The following SLC1A1 variants were observed in gnomAD, a reference collection of about 807,000 sequenced individuals.
The protein encoded by SLC1A1 is excitatory amino acid transporter 3.
In SLC1A1, 43 loss-of-function variants were observed where a neutral mutation model predicts 53.3. That is an observed-to-expected ratio of 0.81 (90% CI 0.63 to 1.04). SLC1A1 has a LOEUF of 1.04. Ranked by LOEUF, SLC1A1 falls within the 50% of genes least tolerant of loss-of-function variation. The pLI, the probability that SLC1A1 is intolerant of heterozygous loss-of-function variation, is 0.00. For missense variants in SLC1A1, 748 were observed against 664.9 expected (o/e 1.12, Z -1.37); for synonymous variants, 307 against 243.2 (o/e 1.26, Z -2.44).
intron 1 of SLC1A1, among the ~76,000 whole-genome samples, chr9:4,498,212 A>C (rs1820507080): frequency 1.3e-5 from 2 of 152,318 alleles, no homozygotes; most frequent in Admixed American, 1.3e-4. Flanking sequence ...AGATGATAAA[A>C]TGACCTAGAC....
intron 10 of SLC1A1, among the ~76,000 whole-genome samples, chr9:4,577,634 C>A (rs1820680651): frequency 1.3e-5 from 2 of 152,262 alleles, no homozygotes; most frequent in Non-Finnish European, 2.9e-5. Flanking sequence ...CACCACCACA[C>A]CTGGCTAATT....
Position 4,556,645 on chromosome 9 carries a change from G to A in SLC1A1, c.233-4804G>A, listed in dbSNP as rs970798988. ...TGGGACTAAGTTGGGCCTGATCTTC[G>A]ACGTCAACGCCAGTTAAGAGTCTAA... On this transcript the variant is annotated intron_variant, in intron 2 of 11. Transcript: ENST00000262352. The surrounding 1 kb of genome is among the most constrained non-coding windows in gnomAD (Gnocchi z 4.1). 2.6e-5 allele frequency among the ~76,000 whole-genome samples: 4 copies of A among 152,242 alleles called. No homozygotes were observed. Among genetic ancestry groups the A allele is most frequent in the South Asian group, 2.1e-4 (1 of 4,818 alleles).
At chr9:4,567,122 A>G (rs906359220) in intron 5 of SLC1A1, among the ~76,000 whole-genome samples, 17 of 152,236 alleles carry the variant, frequency 1.1e-4, no homozygotes, top group African/African-American at 4.1e-4. Flanking sequence ...GAAGCTCCAC[A>G]GAACCAAACA....
Position 4,561,547 on chromosome 9 carries a change from A to G in SLC1A1, c.325+6A>G, listed in dbSNP as rs755243758. 7.4e-6 allele frequency: 11 copies of G among 1,492,950 alleles called. No homozygotes were observed. The highest frequency in any genetic ancestry group is 1.0e-5 in the Non-Finnish European group (11 of 1,069,612). The allele number at this position is 1,492,950 out of a possible 1,614,324, so 92.5% of individuals were successfully genotyped here. On this transcript the variant is annotated splice_donor_region_variant and intron_variant, in intron 3 of 11. Transcript: ENST00000262352. ...TCTCATTGCTGTTATTCTAGGTAAT[A>G]CTTATTTCTGAATCCTTACTACTTT...
At chr9:4,494,037 A>T (rs968707647) in intron 1 of SLC1A1, among the ~76,000 whole-genome samples, 8 of 152,232 alleles carry the variant, frequency 5.3e-5, no homozygotes, top group Non-Finnish European at 1.0e-4. Flanking sequence ...AATTTCTGCG[A>T]CACCCTACAT....
At chr9:4,524,939 A>G (rs931765315) in intron 1 of SLC1A1, among the ~76,000 whole-genome samples, 2 of 152,140 alleles carry the variant, frequency 1.3e-5, no homozygotes, top group African/African-American at 4.8e-5. Flanking sequence ...CATGACCCCA[A>G]GGGCTCCCAC....
At chr9:4,491,576 A>T (rs1820237884) in intron 1 of SLC1A1, among the ~76,000 whole-genome samples, 1 of 152,214 alleles carries the variant, frequency 6.6e-6, no homozygotes, top group Admixed American at 6.5e-5. Flanking sequence ...GACCAGGTGG[A>T]TGTCTGAGCC....
intron 11 of SLC1A1, among the ~76,000 whole-genome samples, chr9:4,585,106 G>C (rs1283909334): frequency 1.3e-5 from 2 of 152,196 alleles, no homozygotes; most frequent in Admixed American, 6.5e-5. Context: ...AGACTTAGGG[G>C]AGTCATTGCT....
intron 1 of SLC1A1, among the ~76,000 whole-genome samples, chr9:4,534,303 T>C (rs1484074695): frequency 6.6e-6 from 1 of 152,060 alleles, no homozygotes; most frequent in Non-Finnish European, 1.5e-5. Context: ...ACAAAATTGA[T>C]AGACTGCTAG....
chr9:4,582,761 T>C (rs1391702178), intron 10 of SLC1A1, among the ~76,000 whole-genome samples: 2 of 152,176 alleles, frequency 1.3e-5, no homozygotes, highest in Non-Finnish European at 1.5e-5. Context: ...ACTTATTTTT[T>C]GGTGCCACTT....
At chr9:4,521,640 T>G (rs896098817) in intron 1 of SLC1A1, among the ~76,000 whole-genome samples, 1 of 152,224 alleles carries the variant, frequency 6.6e-6, no homozygotes. Context: ...GTTTGCTGTT[T>G]GAGACGGTAT....
At position 4,583,823 on chromosome 9, in the gene SLC1A1, T is replaced by C. The variant is rs887840947; in HGVS notation, c.1328+651T>C. On this transcript the variant is annotated intron_variant, in intron 11 of 11. Transcript: ENST00000262352. This position sits in a 1 kb window ranked among gnomAD's most constrained non-coding sequence, Gnocchi z 4.6. ...GTTTTATTGTTATGATTAGAATGAG[T>C]TGGACCATTCAGGCCCCAATCAACA... is the stretch of plus-strand genomic sequence containing the variant. Among the ~76,000 whole-genome samples, 8 of 150,294 alleles carry C rather than the reference T, an allele frequency of 5.3e-5. No individual in the cohort carries two copies. In the Admixed American group the frequency reaches 5.4e-4, roughly 10 times the overall value.
chr9:4,514,987 G>T (rs955364763), intron 1 of SLC1A1, among the ~76,000 whole-genome samples: 4 of 151,838 alleles, frequency 2.6e-5, no homozygotes, highest in Admixed American at 1.3e-4. Flanking sequence ...AAGCAGCCGG[G>T]GCTCCTGTAT....
intron 1 of SLC1A1, among the ~76,000 whole-genome samples, chr9:4,536,543 A>G (rs1199286491): frequency 1.3e-5 from 2 of 152,192 alleles, no homozygotes; most frequent in Non-Finnish European, 2.9e-5. Context: ...TCAGGAAACA[A>G]CAGGTGCTGG....
Position 4,583,245 on chromosome 9 carries a change from T to C in SLC1A1, c.1328+73T>C. 3 of 1,587,680 alleles carry C rather than the reference T, an allele frequency of 1.9e-6. No individual in the cohort carries two copies. The highest frequency in any genetic ancestry group is 1.7e-6 in the Non-Finnish European group (2 of 1,156,956). On this transcript the variant is annotated intron_variant, in intron 11 of 11. Coordinates refer to ENST00000262352, the MANE Select transcript of SLC1A1 (RefSeq NM_004170.6). This position sits in a 1 kb window ranked among gnomAD's most constrained non-coding sequence, Gnocchi z 4.6. ...TCCCAGCCTCGCAGGCGCTGCAGTC[T>C]GTCATCATTCTCTCCTCAGATTGCC...
intron 5 of SLC1A1, among the ~76,000 whole-genome samples, chr9:4,566,797 C>G (rs1819530016): frequency 6.6e-6 from 1 of 152,096 alleles, no homozygotes; most frequent in African/African-American, 2.4e-5. Context: ...ATTGAACAAT[C>G]TCTTCACTCC....
chr9:4,507,040 G>A (rs1444164130), intron 1 of SLC1A1, among the ~76,000 whole-genome samples: 1 of 152,094 alleles, frequency 6.6e-6, no homozygotes. Flanking sequence ...GACCATCCTG[G>A]ATAACATGGT....
intron 1 of SLC1A1, among the ~76,000 whole-genome samples, chr9:4,497,267 C>T (rs1192298198): frequency 6.6e-6 from 1 of 152,124 alleles, no homozygotes; most frequent in African/African-American, 2.4e-5. Context: ...AATTAAGAAA[C>T]TTGCCCAAGG....
chr9:4,532,219 G>A (rs1451353074), intron 1 of SLC1A1, among the ~76,000 whole-genome samples: 2 of 152,154 alleles, frequency 1.3e-5, no homozygotes, highest in South Asian at 2.1e-4. Flanking sequence ...TGAGAATGAC[G>A]TTGACGAGTT....
Sources: allele counts gnomAD v4.1 joint callset (sites outside exome capture counted in the v4.1 genomes callset), GRCh38; gene constraint gnomAD v4.1.1; non-coding constraint Gnocchi (gnomAD v3.1); transcripts MANE v1.5; gene names NCBI Gene and HGNC (gene_info 2026-07-23, HGNC 2026-07-21).